Variants in PPFIA2 observed in about 807,000 individuals in gnomAD.
PPFIA2 encodes the protein liprin-alpha-2.
In PPFIA2, 46 loss-of-function variants were observed where a neutral mutation model predicts 175.5. That is an observed-to-expected ratio of 0.26 (90% confidence interval 0.21 to 0.34). PPFIA2 has a LOEUF of 0.34. PPFIA2 is among the 10% of genes least tolerant of loss of function. The probability of loss-of-function intolerance (pLI) is 1.00; values close to 1 mark genes in which losing one functional copy is unlikely to be tolerated. For missense variants in PPFIA2, 1,179 were observed against 1,506.1 expected (o/e 0.78, Z 3.60); for synonymous variants, 568 against 511.4 (o/e 1.11, Z -1.49).
intron 3 of PPFIA2, among the ~76,000 whole-genome samples, chr12:81,727,135 G>A (rs2080196782): frequency 6.6e-6 from 1 of 151,372 alleles, no homozygotes; most frequent in Admixed American, 6.6e-5. Context: ...TGCCTGAAAA[G>A]CATTAGGCCA....
intron 20 of PPFIA2, among the ~76,000 whole-genome samples, chr12:81,339,946 C>T (rs1224386498): frequency 6.6e-6 from 1 of 152,008 alleles, no homozygotes; most frequent in Admixed American, 6.6e-5. Context: ...ACATGTTAAA[C>T]TGAAATGCTT....
At chr12:81,637,515 T>C (rs2064265202) in intron 4 of PPFIA2, among the ~76,000 whole-genome samples, 1 of 152,076 alleles carries the variant, frequency 6.6e-6, no homozygotes, top group East Asian at 1.9e-4. Context: ...TGGCCATCTC[T>C]ACCCCTACCT....
At chr12:81,690,472 C>A (rs756957955) in intron 3 of PPFIA2, among the ~76,000 whole-genome samples, 1 of 151,964 alleles carries the variant, frequency 6.6e-6, no homozygotes, top group Non-Finnish European at 1.5e-5. Flanking sequence ...AAAGTCTATT[C>A]CTGTCTCACT....
chr12:81,407,810 A>C (rs1840112561), intron 7 of PPFIA2, among the ~76,000 whole-genome samples: 1 of 152,192 alleles, frequency 6.6e-6, no homozygotes, highest in Admixed American at 6.5e-5. Flanking sequence ...TTGTCATCAA[A>C]CACTTTGTAC....
intron 7 of PPFIA2, among the ~76,000 whole-genome samples, chr12:81,431,737 A>G (rs143812950): frequency 6.6e-6 from 1 of 152,218 alleles, no homozygotes; most frequent in Non-Finnish European, 1.5e-5. Context: ...TACATTTCTT[A>G]CCTTTAACTT....
chr12:81,353,030 T>C, intron 17 of PPFIA2, 89 bp downstream of exon 17: 1 of 1,156,528 alleles, frequency 8.6e-7, no homozygotes, highest in South Asian at 1.4e-5. Flanking sequence ...TCCCAGTTAA[T>C]GCTAATGCTT....
intron 7 of PPFIA2, among the ~76,000 whole-genome samples, chr12:81,438,618 C>T (rs1297837217): frequency 6.6e-6 from 1 of 152,000 alleles, no homozygotes; most frequent in East Asian, 1.9e-4. Context: ...CTTTATAAGA[C>T]TTATCTTTAC....
intron 4 of PPFIA2, among the ~76,000 whole-genome samples, chr12:81,468,177 A>C (rs532552530): frequency 6.6e-6 from 1 of 152,318 alleles, no homozygotes; most frequent in East Asian, 1.9e-4. Context: ...CAATTCTAAC[A>C]GAGGAACCAA....
intron 32 of PPFIA2, 152 bp from the exon 33 acceptor site, chr12:81,259,812 G>T (rs193207296): frequency 1.9e-6 from 1 of 518,938 alleles, no homozygotes; most frequent in Non-Finnish European, 3.3e-6. Flanking sequence ...GCCAACAGCC[G>T]TATGTAATTA....
chr12:81,357,934 C>T (rs896300248), intron 16 of PPFIA2, 148 bp downstream of exon 16: 13 of 803,168 alleles, frequency 1.6e-5, no homozygotes, highest in Non-Finnish European at 2.2e-5. Flanking sequence ...CTTTATGTTA[C>T]TTATAGTTTT....
intron 16 of PPFIA2, among the ~76,000 whole-genome samples, chr12:81,354,493 G>A (rs1311513426): frequency 6.6e-6 from 1 of 152,108 alleles, no homozygotes; most frequent in Non-Finnish European, 1.5e-5. Flanking sequence ...TCATGAGATT[G>A]CAGCAATTTG....
intron 7 of PPFIA2, among the ~76,000 whole-genome samples, chr12:81,428,877 C>T (rs1322738818): frequency 6.6e-6 from 1 of 152,004 alleles, no homozygotes; most frequent in Admixed American, 6.6e-5. Context: ...GACAGTTTTG[C>T]ATTATCTTTA....
At chr12:81,555,597 A>G (rs1253810989) in intron 4 of PPFIA2, among the ~76,000 whole-genome samples, 4 of 152,022 alleles carry the variant, frequency 2.6e-5, no homozygotes, top group Non-Finnish European at 4.4e-5. Context: ...ATATTTAGTC[A>G]TAGGTTTGTT....
chr12:81,401,778 C>T (rs1215810189), intron 8 of PPFIA2, among the ~76,000 whole-genome samples: 1 of 152,112 alleles, frequency 6.6e-6, no homozygotes, highest in Non-Finnish European at 1.5e-5. Context: ...CACCAATTAA[C>T]TTCCATCTAG....
At chr12:81,603,566 C>T (rs2060001592) in intron 4 of PPFIA2, among the ~76,000 whole-genome samples, 1 of 151,526 alleles carries the variant, frequency 6.6e-6, no homozygotes, top group South Asian at 2.1e-4. Context: ...ATATCAAATC[C>T]ATTCTAAAGA....
intron 3 of PPFIA2, among the ~76,000 whole-genome samples, chr12:81,688,806 T>TATAC (rs1555605881): frequency 3.4e-5 from 5 of 146,840 alleles, no homozygotes; most frequent in African/African-American, 1.2e-4. Flanking sequence ...TTATTAAATA[T>TATAC]ATATATATAT....
chr12:81,725,135 G>T (rs2079890823), intron 3 of PPFIA2, among the ~76,000 whole-genome samples: 1 of 150,606 alleles, frequency 6.6e-6, no homozygotes, highest in African/African-American at 2.4e-5. Flanking sequence ...AATTAATTCA[G>T]CTTTTTTTCA....
chr12:81,640,626 T>C (rs561099417), intron 4 of PPFIA2, among the ~76,000 whole-genome samples: 2 of 152,234 alleles, frequency 1.3e-5, no homozygotes, highest in Admixed American at 6.5e-5. Flanking sequence ...TCCATTTCCA[T>C]TGACAGTACA....
chr12:81,346,142 A>G (rs966504388), intron 18 of PPFIA2, among the ~76,000 whole-genome samples: 5 of 152,288 alleles, frequency 3.3e-5, no homozygotes, highest in East Asian at 3.9e-4. Context: ...CATATTCACT[A>G]CAAAAACATA....
Sources: allele counts gnomAD v4.1 joint callset (sites outside exome capture counted in the v4.1 genomes callset), GRCh38; gene constraint gnomAD v4.1.1; transcripts MANE v1.5; gene names NCBI Gene and HGNC (gene_info 2026-07-23, HGNC 2026-07-21).